The following PDZD2 variants were observed in gnomAD, a reference collection of about 807,000 sequenced individuals.
PDZD2 encodes the protein PDZ domain containing 2, also known as PDZ domain-containing protein 2.
PDZD2 carries 90 observed loss-of-function variants against 220.7 expected under a neutral mutation model. That is an observed-to-expected ratio of 0.41 (90% CI 0.34 to 0.49). PDZD2 has a LOEUF of 0.49. Among genes scored for constraint, PDZD2 ranks in the 20% least tolerant of loss-of-function variants. The pLI is 0.28. For missense variants in PDZD2, 3,174 were observed against 3,608.5 expected, an observed-to-expected ratio of 0.88 and a Z score of 3.08; for synonymous variants, 1,375 against 1,450.5, an observed-to-expected ratio of 0.95 and a Z score of 1.18.
intron 17 of PDZD2, 131 bp from the exon 18 acceptor site, chr5:32,073,701 A>G (rs1581426401): frequency 1.4e-6 from 1 of 698,558 alleles, no homozygotes; most frequent in Admixed American, 2.3e-5. Flanking sequence ...CCTTGTGTCC[A>G]GTGGCTGAGG....
intron 2 of PDZD2, among the ~76,000 whole-genome samples, chr5:31,914,820 TAGAA>T (rs1743537973): frequency 6.6e-6 from 1 of 152,212 alleles, no homozygotes; most frequent in Non-Finnish European, 1.5e-5. Flanking sequence ...AGAATTGACA[TAGAA>T]AGCTGGTGAA....
intron 24 of PDZD2, among the ~76,000 whole-genome samples, chr5:32,102,708 C>T (rs1744367841): frequency 6.6e-6 from 1 of 152,100 alleles, no homozygotes; most frequent in African/African-American, 2.4e-5. Flanking sequence ...AACAGGACAC[C>T]CCATTCATGA....
rs188786137 is a variant in PDZD2, at chr5:32,084,815, C to G, written c.3683-2316C>G. ...GACTATGCAGGGCCTTATGAACAGG[C>G]ACTTTCAGGAGTGAGTGGCTGTTGG... On this transcript the variant is annotated intron_variant, in intron 19 of 24. Coordinates refer to ENST00000438447, the MANE Select transcript of PDZD2 (RefSeq NM_178140.4). Among the ~76,000 whole-genome samples the G allele has an allele frequency of 2.6e-3, 396 of 152,196 alleles. 2 individuals carry two copies. Among genetic ancestry groups the G allele is most frequent in the African/African-American group, 9.4e-3 (389 of 41,532 alleles).
intron 2 of PDZD2, among the ~76,000 whole-genome samples, chr5:31,841,130 T>C (rs1757274591): frequency 1.3e-5 from 2 of 152,204 alleles, no homozygotes; most frequent in South Asian, 4.1e-4. Flanking sequence ...TAAATATTAC[T>C]TGTCATCCCA....
chr5:32,018,654 T>C (rs1581289421), intron 6 of PDZD2, among the ~76,000 whole-genome samples: 1 of 152,248 alleles, frequency 6.6e-6, no homozygotes, highest in East Asian at 1.9e-4. Context: ...CACAGCTCCC[T>C]GAGTTGTGCA....
intron 2 of PDZD2, among the ~76,000 whole-genome samples, chr5:31,966,056 A>G (rs1748717325): frequency 6.6e-6 from 1 of 152,198 alleles, no homozygotes; most frequent in Admixed American, 6.5e-5. Context: ...GGGAATCCCA[A>G]GGTCATGGTA....
intron 2 of PDZD2, among the ~76,000 whole-genome samples, chr5:31,919,606 C>A (rs994489261): frequency 4.3e-4 from 65 of 151,772 alleles, no homozygotes; most frequent in African/African-American, 1.5e-3. Flanking sequence ...CTCGGCAACC[C>A]AGAGTGCTGG....
At position 31,730,594 on chromosome 5, in the gene PDZD2, T is replaced by G. The variant is rs866260651; in HGVS notation, c.-360-68295T>G. On this transcript the variant is annotated intron_variant, in intron 1 of 24. Transcript: ENST00000438447. ...TGTGTGTGTGTGTGTGTGTGTGTGG[T>G]GTGTGTGTGTGTGTGTAAGGGAGTT... 9.1e-5 allele frequency among the ~76,000 whole-genome samples: 12 copies of G among 132,364 alleles called. No homozygotes were observed. The South Asian group carries it at 9.6e-4, about 11-fold the overall frequency. 86.8% of individuals were successfully genotyped at this position (132,364 alleles called of 152,430 possible).
intron 2 of PDZD2, among the ~76,000 whole-genome samples, chr5:31,879,704 A>AT (rs1280187764): frequency 2.0e-5 from 3 of 151,844 alleles, no homozygotes; most frequent in African/African-American, 4.8e-5. Context: ...GGATTGGAGA[A>AT]TTTTTTCCCT....
At chr5:31,716,888 C>T (rs190180693) in intron 1 of PDZD2, among the ~76,000 whole-genome samples, 2 of 152,148 alleles carry the variant, frequency 1.3e-5, no homozygotes, top group East Asian at 3.9e-4. Context: ...GGTTTAATAC[C>T]TGGCCCTGGA....
In PDZD2 at chr5:31,646,969, CCT is replaced by C. The variant is rs2150104013; in HGVS notation, c.-361+7537_-361+7538del. On this transcript the variant is annotated intron_variant, in intron 1 of 24. Coordinates refer to ENST00000438447, the MANE Select transcript of PDZD2 (RefSeq NM_178140.4). The surrounding 1 kb of genome is among the most constrained non-coding windows in gnomAD (Gnocchi z 4.7). ...GGTACTGGAAAGAATTGCATTAACT[CCT>C]CTCTGGACTTACTGCTCATCTTTAA... Among the ~76,000 whole-genome samples the C allele has an allele frequency of 6.6e-6, 1 of 152,298 alleles. No homozygotes were observed. Among genetic ancestry groups the C allele is most frequent in the East Asian group, 1.9e-4 (1 of 5,182 alleles).
intron 2 of PDZD2, chr5:31,923,408 G>T: frequency 3.2e-6 from 4 of 1,262,014 alleles, no homozygotes; most frequent in Non-Finnish European, 4.6e-6. Context: ...GACTGCAGCA[G>T]CTCTTCAACG....
At chr5:31,762,633 G>A (rs1453484778) in intron 1 of PDZD2, among the ~76,000 whole-genome samples, 2 of 152,170 alleles carry the variant, frequency 1.3e-5, no homozygotes, top group Admixed American at 6.5e-5. Flanking sequence ...CTTCCCTTCA[G>A]TGTGACTGTT....
chr5:31,985,931 C>T (rs916180135), intron 3 of PDZD2, among the ~76,000 whole-genome samples: 5 of 151,106 alleles, frequency 3.3e-5, no homozygotes, highest in Non-Finnish European at 5.9e-5. Flanking sequence ...CAAAACTAGC[C>T]GGGCATGGTG....
At chr5:31,890,135 A>ATTTTTTTT (rs59916833) in intron 2 of PDZD2, among the ~76,000 whole-genome samples, 1,026 of 98,112 alleles carry the variant, frequency 0.01, 9 homozygotes, top group Non-Finnish European at 0.015. Context: ...CTTTTTTGTG[A>ATTTTTTTT]TTTTTTTTTT....
rs940669407 is a variant in PDZD2, at chr5:31,822,530, G to T, written c.476+22806G>T. The T allele has an allele frequency of 1.1e-5, 7 of 661,104 alleles. No homozygotes were observed. In the Admixed American group the frequency reaches 1.5e-4, roughly 14 times the overall value. The allele number at this position is 661,104 out of a possible 1,614,324, so 41.0% of individuals were successfully genotyped here. A position where few individuals can be genotyped will look rare whatever the true frequency, so the allele number is the denominator to read the frequency against. Reference sequence around the variant, plus strand: ...GGTCTTAGGAAGCATCCGGCATCTTGTTTCTGTAGCTGGACAACTCTTAGA... The same window carrying T: ...GGTCTTAGGAAGCATCCGGCATCTTTTTTCTGTAGCTGGACAACTCTTAGA... On this transcript the variant is annotated intron_variant, in intron 2 of 24. Transcript: ENST00000438447.
In PDZD2 at chr5:32,090,000, C is replaced by G. The variant is rs1230428281; in HGVS notation, c.6552C>G (p.Ser2184=). 6.2e-7 allele frequency: 1 copy of G among 1,604,394 alleles called. No homozygotes were observed. The highest frequency in any genetic ancestry group is 8.5e-7 in the Non-Finnish European group (1 of 1,175,378). ...CAGCCATTAGAAAGGCAGAATACTC[C>G]CAGGGAAAATCAAGCCTGATGTCAG... ...LQTAIRKAEY[S]QGKSSLMSDS... is the part of the protein sequence containing the mutation. The change falls in exon 20 of 25, where the codon TCC becomes TCG. Residue 2184 remains serine (S), a synonymous_variant. Transcript: ENST00000438447.
intron 21 of PDZD2, among the ~76,000 whole-genome samples, chr5:32,095,436 T>C (rs948518092): frequency 3.3e-5 from 5 of 152,206 alleles, no homozygotes; most frequent in Non-Finnish European, 7.3e-5. Flanking sequence ...AAAATAGAAC[T>C]GCACAAAACT....
At chr5:31,882,109 G>A (rs183840679) in intron 2 of PDZD2, among the ~76,000 whole-genome samples, 168 of 152,290 alleles carry the variant, frequency 1.1e-3, no homozygotes, top group African/African-American at 3.4e-3. Context: ...CAGCTTAATG[G>A]ACCATCATAA....
Sources: allele counts gnomAD v4.1 joint callset (sites outside exome capture counted in the v4.1 genomes callset), GRCh38; gene constraint gnomAD v4.1.1; non-coding constraint Gnocchi (gnomAD v3.1); transcripts MANE v1.5; gene names NCBI Gene and HGNC (gene_info 2026-07-23, HGNC 2026-07-21).